The following SERPINB4 variants were observed in gnomAD, a reference collection of about 807,000 sequenced individuals.
SERPINB4 encodes serpin B4.
In SERPINB4, 39 loss-of-function variants were observed where a neutral mutation model predicts 33.2. That is an observed-to-expected ratio of 1.18 (90% CI 0.91 to 1.53). The LOEUF is 1.53. SERPINB4 is among the 40% of genes most tolerant of loss of function. The pLI is 0.00. For synonymous variants in SERPINB4, 191 were observed against 166.4 expected, an observed-to-expected ratio of 1.15 and a Z score of -1.14; for missense variants, 564 against 455.4, an observed-to-expected ratio of 1.24 and a Z score of -2.17.
chr18:63,643,392 C>T (rs369788301), intron 2 of SERPINB4, 21 bp downstream of exon 2: 24 of 1,613,322 alleles, frequency 1.5e-5, no homozygotes, highest in Middle Eastern at 1.6e-4. Flanking sequence ...AACAGGACAA[C>T]GTAATGATGC....
In SERPINB4 at chr18:63,643,587, G is replaced by C; in HGVS notation, c.-10C>G. Reference sequence around the variant, plus strand: ...CACTGAGTGAATTCATGGTGAACTCGATGTGATCTGGAACTCCTGGAAAAG... The same window carrying C: ...CACTGAGTGAATTCATGGTGAACTCCATGTGATCTGGAACTCCTGGAAAAG... On this transcript the variant is annotated 5_prime_UTR_variant, in exon 2 of 8. It adds an upstream start codon to the 5' untranslated region. Coordinates refer to ENST00000341074, the MANE Select transcript of SERPINB4 (RefSeq NM_002974.4). 6.2e-7 allele frequency: 1 copy of C among 1,612,970 alleles called. No individual in the cohort carries two copies. The highest frequency in any genetic ancestry group is 8.5e-7 in the Non-Finnish European group (1 of 1,179,330).
intron 3 of SERPINB4, among the ~76,000 whole-genome samples, chr18:63,642,220 G>A (rs932457357): frequency 2.6e-5 from 4 of 152,110 alleles, no homozygotes; most frequent in African/African-American, 9.7e-5. Context: ...TTATGGGCAA[G>A]GACCATATTT....
In SERPINB4 at chr18:63,639,335, T is replaced by A; in HGVS notation, c.618A>T (p.Thr206=). ...GCCTCATCATCTGTACAGATTTGTATGTATTCTGCAATAAATCAATGTGTC... is the reference window on the plus strand; with the variant it reads ...GCCTCATCATCTGTACAGATTTGTAAGTATTCTGCAATAAATCAATGTGTC... ...KEEKFWPNKN[T]YKSVQMMRQY... The change falls in exon 7 of 8, where the codon ACA becomes ACT. Residue 206 remains threonine, a synonymous_variant. Transcript: ENST00000341074. 1.2e-6 allele frequency: 2 copies of A among 1,602,578 alleles called. No individual in the cohort carries two copies. Among genetic ancestry groups the A allele is most frequent in the Non-Finnish European group, 1.7e-6 (2 of 1,172,654 alleles).
intron 1 of SERPINB4, among the ~76,000 whole-genome samples, chr18:63,643,950 C>T (rs1007484484): frequency 3.3e-5 from 5 of 151,804 alleles, no homozygotes; most frequent in South Asian, 2.1e-4. Flanking sequence ...TGTTAAGATG[C>T]GTCCCTGACA....
Position 63,639,643 on chromosome 18 carries a change from C to G in SERPINB4, c.603G>C (p.Trp201Cys), listed in dbSNP as rs140456610. 41 of 1,600,320 alleles carry G rather than the reference C, an allele frequency of 2.6e-5. No homozygotes were observed. In the African/African-American group the frequency reaches 4.8e-4, roughly 19 times the overall value. Reference sequence around the variant, plus strand: ...AAAATATAGACAATACCTTGTTTGGCCAAAATTTTTCCTCTTTAGTGTTTT... The same window carrying G: ...AAAATATAGACAATACCTTGTTTGGGCAAAATTTTTCCTCTTTAGTGTTTT... ...KKENTKEEKFWPNKNTYKSVQ... is the reference protein window; with the variant it reads ...KKENTKEEKFCPNKNTYKSVQ... The change falls in exon 6 of 8, where the codon TGG becomes TGC. Residue 201 changes from tryptophan to cysteine, a missense_variant. Trp to Cys is a radical substitution (Grantham distance 215). Coordinates refer to ENST00000341074, the MANE Select transcript of SERPINB4 (RefSeq NM_002974.4).
chr18:63,641,659 T>A, intron 4 of SERPINB4, 101 bp downstream of exon 4: 2 of 1,579,756 alleles, frequency 1.3e-6, no homozygotes, highest in Non-Finnish European at 8.7e-7. Flanking sequence ...GCTCTCCACC[T>A]GAGTCGGCCA....
chr18:63,637,592 T>C lies in SERPINB4; in HGVS notation c.*127A>G. ...ATTTTAATCATTAAATTCTTGATGA[T>C]GACTATCATCATCAAGATGAGATAG... is the stretch of plus-strand genomic sequence containing the variant. On this transcript the variant is annotated 3_prime_UTR_variant, in exon 8 of 8. Transcript: ENST00000341074. The C allele has an allele frequency of 3.2e-6, 3 of 930,452 alleles. No homozygotes were observed. The East Asian group carries it at 7.4e-5, about 23-fold the overall frequency. 57.6% of individuals were successfully genotyped at this position (930,452 alleles called of 1,614,324 possible).
intron 3 of SERPINB4, among the ~76,000 whole-genome samples, chr18:63,642,180 G>A (rs1913157705): frequency 6.6e-6 from 1 of 152,092 alleles, no homozygotes; most frequent in Non-Finnish European, 1.5e-5. Context: ...AAAGGGTTAG[G>A]TTTAGCTTCC....
intron 3 of SERPINB4, among the ~76,000 whole-genome samples, chr18:63,642,427 A>G (rs1054828205): frequency 1.3e-4 from 20 of 152,056 alleles, no homozygotes; most frequent in Non-Finnish European, 7.4e-5. Flanking sequence ...AGGACTTTAC[A>G]TGGGTAACTC....
At chr18:63,639,506 G>A in intron 6 of SERPINB4, 128 bp downstream of exon 6, 9 of 1,008,860 alleles carry the variant, frequency 8.9e-6, no homozygotes. Flanking sequence ...AAAGTTATAA[G>A]AGTAAAACAA....
Position 63,643,447 on chromosome 18 carries a change from C to T in SERPINB4, c.131G>A (p.Gly44Glu). ...ITSALGMVLLGAKDNTAQQIS... is the reference protein window; with the variant it reads ...ITSALGMVLLEAKDNTAQQIS... ...TTGTTGTGCAGTGTTGTCTTTGGCT[C>T]CTAAGAGGACCATCCCTAATGCTGA... is the stretch of plus-strand genomic sequence containing the variant. Residue 44 changes from glycine (G) to glutamate (E), a missense_variant, in exon 2 of 8, where the codon GGA becomes GAA. Coordinates refer to ENST00000341074, the MANE Select transcript of SERPINB4 (RefSeq NM_002974.4). The T allele has an allele frequency of 1.2e-6, 2 of 1,613,700 alleles. No individual in the cohort carries two copies. The highest frequency in any genetic ancestry group is 1.7e-6 in the Non-Finnish European group (2 of 1,179,744).
At chr18:63,643,304 C>T in intron 2 of SERPINB4, 87 bp from the exon 3 acceptor site, 5 of 1,611,158 alleles carry the variant, frequency 3.1e-6, no homozygotes, top group Non-Finnish European at 4.2e-6. Context: ...AATTCCTGCA[C>T]AGCCCCCTGT....
rs745924403 is a variant in SERPINB4, at chr18:63,643,442, T to C, written c.136A>G (p.Lys46Glu). ...CTAATTTGTTGTGCAGTGTTGTCTT[T>C]GGCTCCTAAGAGGACCATCCCTAAT... ...SALGMVLLGA[K>E]DNTAQQISKV... Residue 46 changes from lysine to glutamate, a missense_variant, in exon 2 of 8, where the codon AAA (lysine) becomes GAA (glutamate). Transcript: ENST00000341074. 2.5e-6 allele frequency: 4 copies of C among 1,613,772 alleles called. No homozygotes were observed. Among genetic ancestry groups the C allele is most frequent in the Admixed American group, 1.7e-5 (1 of 59,990 alleles).
chr18:63,639,082 C>T (rs972181015), intron 7 of SERPINB4, 103 bp downstream of exon 7: 1 of 1,335,202 alleles, frequency 7.5e-7, no homozygotes, highest in Non-Finnish European at 9.9e-7. Flanking sequence ...AATTTTTCAT[C>T]ATTTTGAGGC....
At position 63,637,580 on chromosome 18, in the gene SERPINB4, AAT is replaced by A; in HGVS notation, c.*137_*138del. On this transcript the variant is annotated 3_prime_UTR_variant, in exon 8 of 8. Transcript: ENST00000341074. Reference sequence around the variant, plus strand: ...GAAAGGCATGCTATTTTAATCATTAAATTCTTGATGATGACTATCATCATCAA... The same window carrying A: ...GAAAGGCATGCTATTTTAATCATTAATCTTGATGATGACTATCATCATCAA... 1 of 838,308 alleles carries A rather than the reference AAT, an allele frequency of 1.2e-6. No individual in the cohort carries two copies. The highest frequency in any genetic ancestry group is 1.8e-6 in the Non-Finnish European group (1 of 543,010). The allele number at this position is 838,308 out of a possible 1,614,324, so 51.9% of individuals were successfully genotyped here.
rs139267790 is a variant in SERPINB4 at position 63,640,999 on chromosome 18, A to G, written c.352-8T>C. 3.0e-4 allele frequency: 475 copies of G among 1,600,490 alleles called. 4 individuals carry two copies. The African/African-American group carries it at 5.3e-3, about 18-fold the overall frequency. On this transcript the variant is annotated splice_region_variant and splice_polypyrimidine_tract_variant and intron_variant, in intron 4 of 7. Coordinates refer to ENST00000341074, the MANE Select transcript of SERPINB4 (RefSeq NM_002974.4). ...GATGGCATCTAAATATTCCTTTGAG[A>G]TATGAAGGAAGAAGTAGGAATTAGG... is the stretch of plus-strand genomic sequence containing the variant.
chr18:63,640,920 T>A lies in SERPINB4; in HGVS notation c.423A>T (p.Glu141Asp). Residue 141 changes from glutamate (E) to aspartate (D), a missense_variant, in exon 5 of 8, where the codon GAA (glutamate) becomes GAT (aspartate). By Grantham distance (45) the Glu-to-Asp change is conservative. Transcript: ENST00000341074. ...VESTDFANAP[E>D]ESRKKINSWV... ...AGGAGTTAATCTTCTTTCGACTTTC[T>A]TCTGGAGCATTTGCAAAATCAGTAG... 1 of 1,612,948 alleles carries A rather than the reference T, an allele frequency of 6.2e-7. No homozygotes were observed. Among genetic ancestry groups the A allele is most frequent in the Non-Finnish European group, 8.5e-7 (1 of 1,179,296 alleles).
chr18:63,637,757 TG>T lies in SERPINB4; in HGVS notation c.1134del (p.Asn379ThrfsTer16), dbSNP rs767756107. On this transcript the variant is annotated frameshift_variant, in exon 8 of 8. Coordinates refer to ENST00000341074, the MANE Select transcript of SERPINB4 (RefSeq NM_002974.4). LOFTEE classifies it high-confidence loss of function. ...PFLFFIRQNK[T>X]NSILFYGRFS... ...AATCTGCCATAGAAGAGGATGCTGT[TG>T]GTCTTATTTTGCCTTATGAAGAATA... The T allele has an allele frequency of 3.5e-5, 56 of 1,612,844 alleles. No homozygotes were observed. In the African/African-American group the frequency reaches 7.3e-4, roughly 21 times the overall value.
In SERPINB4 at chr18:63,638,129, C is replaced by A. The variant is rs753103194; in HGVS notation, c.769-6G>T. ...GCAGTGAGTTTCTCTTCAAGCTATA[C>A]AAATGGAAAAAAGAAACTGATATGA... is the stretch of plus-strand genomic sequence containing the variant. On this transcript the variant is annotated splice_region_variant and splice_polypyrimidine_tract_variant and intron_variant, in intron 7 of 7. Transcript: ENST00000341074. 2.7e-5 allele frequency: 44 copies of A among 1,607,058 alleles called. No homozygotes were observed. In the Admixed American group the frequency reaches 6.3e-4, roughly 23 times the overall value.
Sources: allele counts gnomAD v4.1 joint callset (sites outside exome capture counted in the v4.1 genomes callset), GRCh38; gene constraint gnomAD v4.1.1; transcripts MANE v1.5; gene names NCBI Gene and HGNC (gene_info 2026-07-23, HGNC 2026-07-21).